Variants in CHST11 observed in about 807,000 individuals in gnomAD.
CHST11 encodes the protein carbohydrate sulfotransferase 11.
Under a neutral mutation model 30.4 loss-of-function variants are expected in CHST11, and 9 were observed. That is an observed-to-expected ratio of 0.30 (90% CI 0.18 to 0.52). The LOEUF (loss-of-function observed/expected upper bound fraction) is 0.52, where lower values mean the gene tolerates loss of function less well. Among genes scored for constraint, CHST11 ranks in the 20% least tolerant of loss-of-function variants. The pLI is 0.97. For synonymous variants in CHST11, 152 were observed against 187.8 expected (o/e 0.81, Z 1.56); for missense variants, 348 against 460.6 (o/e 0.76, Z 2.24).
chr12:104,668,438 C>A (rs573480462), intron 2 of CHST11, among the ~76,000 whole-genome samples: 2 of 152,136 alleles, frequency 1.3e-5, no homozygotes, highest in Non-Finnish European at 2.9e-5. Flanking sequence ...GAACACACTG[C>A]GTTGGGACGT....
chr12:104,507,157 G>A (rs765023034), intron 1 of CHST11, among the ~76,000 whole-genome samples: 4 of 152,168 alleles, frequency 2.6e-5, no homozygotes, highest in Non-Finnish European at 5.9e-5. Context: ...CAGGTGTGCC[G>A]GGCTCCCTGT....
chr12:104,683,010 A>G (rs1429289056), intron 2 of CHST11, among the ~76,000 whole-genome samples: 2 of 152,232 alleles, frequency 1.3e-5, no homozygotes, highest in Non-Finnish European at 2.9e-5. Flanking sequence ...GCATTCAAAG[A>G]CAAAAGTGAA....
At chr12:104,515,465 C>T (rs1003508357) in intron 1 of CHST11, among the ~76,000 whole-genome samples, 12 of 152,196 alleles carry the variant, frequency 7.9e-5, no homozygotes, top group Admixed American at 2.0e-4. Flanking sequence ...AAAGCTAAGG[C>T]TCTCAAATTT....
chr12:104,545,211 C>A (rs540548558), intron 1 of CHST11, among the ~76,000 whole-genome samples: 1 of 152,352 alleles, frequency 6.6e-6, no homozygotes, highest in East Asian at 1.9e-4. Context: ...CTGTCATGTT[C>A]CTCCACACTC....
At chr12:104,594,934 G>A (rs539977399) in intron 1 of CHST11, among the ~76,000 whole-genome samples, 4 of 152,220 alleles carry the variant, frequency 2.6e-5, no homozygotes, top group East Asian at 3.8e-4. Flanking sequence ...ATGACAGAGC[G>A]AGACACTGTC....
At chr12:104,636,464 G>A (rs557971606) in intron 2 of CHST11, among the ~76,000 whole-genome samples, 1 of 152,354 alleles carries the variant, frequency 6.6e-6, no homozygotes. Context: ...TCCTGTAAAA[G>A]TCCTTGGCCC....
chr12:104,662,728 T>C (rs181272498), intron 2 of CHST11, among the ~76,000 whole-genome samples: 1 of 152,232 alleles, frequency 6.6e-6, no homozygotes, highest in East Asian at 1.9e-4. Context: ...TGATATGGAA[T>C]GTTTATTTAA....
intron 2 of CHST11, among the ~76,000 whole-genome samples, chr12:104,710,162 T>G (rs572869363): frequency 6.6e-6 from 1 of 152,240 alleles, no homozygotes; most frequent in East Asian, 1.9e-4. Flanking sequence ...ATTGCGCCAC[T>G]GCACTCCAGC....
intron 2 of CHST11, among the ~76,000 whole-genome samples, chr12:104,747,806 C>T (rs903542563): frequency 6.6e-6 from 1 of 152,120 alleles, no homozygotes; most frequent in African/African-American, 2.4e-5. Context: ...CCCGACTCTG[C>T]CCACCCCGAG....
chr12:104,639,566 T>A (rs1473982584), intron 2 of CHST11, among the ~76,000 whole-genome samples: 1 of 152,114 alleles, frequency 6.6e-6, no homozygotes, highest in Non-Finnish European at 1.5e-5. Flanking sequence ...ATTTTAGGGA[T>A]CTTTATGGGA....
chr12:104,663,145 A>G lies in CHST11; in HGVS notation c.204+61154A>G, dbSNP rs545109506. On this transcript the variant is annotated intron_variant, in intron 2 of 2. Coordinates refer to ENST00000303694, the MANE Select transcript of CHST11 (RefSeq NM_018413.6). The stretch of plus-strand genomic sequence containing the variant: ...CCAGCAGGCTGGCCTGTGTTGGGTC[A>G]GTGCAACAAGGCTTCCTTCCAGAGG... Among the ~76,000 whole-genome samples, 5 of 152,364 alleles carry G rather than the reference A, an allele frequency of 3.3e-5. No homozygotes were observed. In the South Asian group the frequency reaches 1.0e-3, roughly 32 times the overall value.
At chr12:104,638,272 A>G (rs1474766217) in intron 2 of CHST11, among the ~76,000 whole-genome samples, 1 of 152,046 alleles carries the variant, frequency 6.6e-6, no homozygotes, top group East Asian at 1.9e-4. Context: ...GGAGAAAAAT[A>G]TTGTCTCGTA....
chr12:104,624,044 C>A (rs1307894313), intron 2 of CHST11, among the ~76,000 whole-genome samples: 2 of 152,122 alleles, frequency 1.3e-5, no homozygotes, highest in African/African-American at 4.8e-5. Flanking sequence ...GTGAAGCCTG[C>A]AGCCTTGATG....
At chr12:104,720,384 C>T (rs2040164962) in intron 2 of CHST11, among the ~76,000 whole-genome samples, 1 of 152,236 alleles carries the variant, frequency 6.6e-6, no homozygotes, top group African/African-American at 2.4e-5. Flanking sequence ...GGACTCATGG[C>T]GTCCAAGGCG....
At position 104,609,544 on chromosome 12, in the gene CHST11, G is replaced by A. The variant is rs546376384; in HGVS notation, c.204+7553G>A. On this transcript the variant is annotated intron_variant, in intron 2 of 2. Coordinates refer to ENST00000303694, the MANE Select transcript of CHST11 (RefSeq NM_018413.6). ...GGAAGGATTTCCAGTCAAGCCAGGG[G>A]ACATGACAGTCAAACACAATTTGGG... 6.6e-5 allele frequency among the ~76,000 whole-genome samples: 10 copies of A among 152,328 alleles called. No homozygotes were observed. In the East Asian group the frequency reaches 1.5e-3, roughly 24 times the overall value.
rs1211188498 is a variant in CHST11, at chr12:104,503,532, A to G, written c.118+46003A>G. Among the ~76,000 whole-genome samples, 3 of 152,224 alleles carry G rather than the reference A, an allele frequency of 2.0e-5. No individual in the cohort carries two copies. The East Asian group carries it at 5.8e-4, about 29-fold the overall frequency. ...GAGCAAATCCATGTAAATGCTTAGAACAGCTCCTGGCACACCTCAAGTAGC... is the reference window on the plus strand; with the variant it reads ...GAGCAAATCCATGTAAATGCTTAGAGCAGCTCCTGGCACACCTCAAGTAGC... On this transcript the variant is annotated intron_variant, in intron 1 of 2. Coordinates refer to ENST00000303694, the MANE Select transcript of CHST11 (RefSeq NM_018413.6).
chr12:104,658,843 G>C (rs1483060066), intron 2 of CHST11, among the ~76,000 whole-genome samples: 1 of 152,204 alleles, frequency 6.6e-6, no homozygotes, highest in Non-Finnish European at 1.5e-5. Flanking sequence ...CCTTGAAATA[G>C]GCTCTATTGC....
chr12:104,657,492 C>T (rs1056769209), intron 2 of CHST11, among the ~76,000 whole-genome samples: 4 of 151,866 alleles, frequency 2.6e-5, no homozygotes, highest in Non-Finnish European at 5.9e-5. Flanking sequence ...ATCTGGGAGC[C>T]ACAGCACTTC....
intron 2 of CHST11, among the ~76,000 whole-genome samples, chr12:104,652,108 C>T (rs1035580609): frequency 8.5e-5 from 13 of 152,120 alleles, no homozygotes; most frequent in Non-Finnish European, 1.5e-4. Flanking sequence ...ATGCAGTCGC[C>T]GCTCCATGCC....
Sources: gnomAD v4.1 joint callset for allele counts (sites outside exome capture counted in the v4.1 genomes callset) on GRCh38, gnomAD v4.1.1 for gene constraint, MANE v1.5 for transcripts, NCBI Gene and HGNC (gene_info 2026-07-23, HGNC 2026-07-21) for gene names.